ITGB4: variants seen among roughly 807,000 people sequenced by gnomAD.
ITGB4 encodes integrin subunit beta 4, also known as integrin beta-4.
In ITGB4, 159 loss-of-function variants were observed where a neutral mutation model predicts 207.6. The ratio of observed to expected loss-of-function variants is 0.77; its 90% CI spans 0.67 to 0.87. The LOEUF (loss-of-function observed/expected upper bound fraction) is 0.87, where lower values mean the gene tolerates loss of function less well. ITGB4 is among the 40% of genes least tolerant of loss of function. The probability of loss-of-function intolerance (pLI) is 0.00; values close to 1 mark genes in which losing one functional copy is unlikely to be tolerated. For missense variants in ITGB4, 2,278 were observed against 2,546.8 expected, an observed-to-expected ratio of 0.89 and a Z score of 2.27; for synonymous variants, 1,020 against 1,062.7, an observed-to-expected ratio of 0.96 and a Z score of 0.78.
At chr17:75,745,750 G>A (rs1467690176) in intron 26 of ITGB4, among the ~76,000 whole-genome samples, 6 of 152,012 alleles carry the variant, frequency 3.9e-5, no homozygotes, top group Non-Finnish European at 7.4e-5. Flanking sequence ...ATGGTGACAC[G>A]TGCCTCTAAT....
chr17:75,755,003 C>T, intron 34 of ITGB4, 188 bp downstream of exon 34: 1 of 1,567,392 alleles, frequency 6.4e-7, no homozygotes, highest in Non-Finnish European at 8.7e-7. Context: ...CACACGTACA[C>T]ACATGCATGC....
intron 1 of ITGB4, among the ~76,000 whole-genome samples, chr17:75,723,891 CT>C (rs1329495168): frequency 1.3e-5 from 2 of 152,272 alleles, no homozygotes; most frequent in Non-Finnish European, 2.9e-5. Context: ...GGCTGAGCAT[CT>C]CTTAGAGGGC....
At chr17:75,754,945 C>A in intron 34 of ITGB4, 130 bp downstream of exon 34, 1 of 1,450,136 alleles carries the variant, frequency 6.9e-7, no homozygotes, top group Non-Finnish European at 9.4e-7. Flanking sequence ...CACACATGCA[C>A]GCACACACGT....
chr17:75,755,450 A>C (rs2061475021), intron 34 of ITGB4, among the ~76,000 whole-genome samples: 1 of 152,018 alleles, frequency 6.6e-6, no homozygotes, highest in African/African-American at 2.4e-5. Flanking sequence ...CCAGCTGAGC[A>C]GTTGAGGGGG....
rs57812564 is a variant in ITGB4 at position 75,756,708 on chromosome 17, C to G, written c.4902C>G (p.Ser1634=). The G allele has an allele frequency of 1.4e-3, 2,336 of 1,613,434 alleles. 36 individuals are homozygous for G. In the African/African-American group the frequency reaches 0.028, roughly 19 times the overall value. Residue 1634 remains serine (S), a synonymous_variant, in exon 37 of 40, where the codon TCC becomes TCG. Transcript: ENST00000200181. ...CTCTTCCTCTACTGCCCCCAGGCTC[C>G]GCCTTCACTTTGAGCACTCCCAGTG... ...PQSPLCPLPG[S]AFTLSTPSAP...
rs2060839638 is a variant in ITGB4 at position 75,730,811 on chromosome 17, GA to G, written c.1003-62del. The G allele has an allele frequency of 2.1e-6, 3 of 1,422,656 alleles. No individual in the cohort carries two copies. In the East Asian group the frequency reaches 6.8e-5, roughly 32 times the overall value. The allele number at this position is 1,422,656 out of a possible 1,614,324, so 88.1% of individuals were successfully genotyped here. On this transcript the variant is annotated intron_variant, in intron 8 of 39. Coordinates refer to ENST00000200181, the MANE Select transcript of ITGB4 (RefSeq NM_000213.5). The stretch of plus-strand genomic sequence containing the variant: ...AGTTTCCCCATCCTCAAAGTGGGAA[GA>G]ATCCTAGAGCTGTTCAGATTCATGG...
chr17:75,728,450 G>A lies in ITGB4; in HGVS notation c.543G>A (p.Pro181=), dbSNP rs370508599. The A allele has an allele frequency of 4.0e-5, 64 of 1,613,988 alleles. No individual in the cohort carries two copies. The highest frequency in any genetic ancestry group is 5.3e-5 in the Non-Finnish European group (62 of 1,179,896). ...AGTTTGTGGACAAAGTCAGCGTCCC[G>A]CAGACGGACATGAGGCCTGAGAAGT... ...FGKFVDKVSV[P]QTDMRPEKLK... is the part of the protein sequence containing the mutation. Residue 181 remains proline, a synonymous_variant, in exon 6 of 40, where the codon CCG becomes CCA. Transcript: ENST00000200181.
rs776861273 is a variant in ITGB4, at chr17:75,730,497, A to G, written c.995A>G (p.Tyr332Cys). 5 of 1,613,586 alleles carry G rather than the reference A, an allele frequency of 3.1e-6. No homozygotes were observed. The highest frequency in any genetic ancestry group is 3.4e-6 in the Non-Finnish European group (4 of 1,180,016). Residue 332 changes from tyrosine (Y) to cysteine (C), a missense_variant, in exon 8 of 40, where the codon TAC (tyrosine) becomes TGC (cysteine). Physicochemically the swap from Tyr to Cys is radical, Grantham distance 194 (BLOSUM62 -2). Transcript: ENST00000200181. ...GCTGTCACCAACTACTCCTATAGCTACTACGAGGTGCGGGGCCCAGGTCCC... is the reference window on the plus strand; with the variant it reads ...GCTGTCACCAACTACTCCTATAGCTGCTACGAGGTGCGGGGCCCAGGTCCC... The part of the protein sequence containing the change: ...IFAVTNYSYS[Y>C]YEKLHTYFPV...
chr17:75,738,546 C>T (rs969014806), intron 18 of ITGB4, among the ~76,000 whole-genome samples: 6 of 152,214 alleles, frequency 3.9e-5, no homozygotes, highest in East Asian at 1.9e-4. Flanking sequence ...CTCTAGTGCC[C>T]GCCCAGGACC....
Position 75,757,711 on chromosome 17 carries a change from G to A in ITGB4, c.*156G>A. 5 of 1,024,728 alleles carry A rather than the reference G, an allele frequency of 4.9e-6. No individual in the cohort carries two copies. The highest frequency in any genetic ancestry group is 2.5e-5 in the East Asian group (1 of 39,282). The allele number at this position is 1,024,728 out of a possible 1,614,324, so 63.5% of individuals were successfully genotyped here. A position where few individuals can be genotyped will look rare whatever the true frequency, so the allele number is the denominator to read the frequency against. On this transcript the variant is annotated 3_prime_UTR_variant, in exon 40 of 40. Transcript: ENST00000200181. ...GTGTCTCCTGGGAGGCATGAAGGGGGCAAGGTCCGTCCTCTGTGGGCCCAA... is the reference window on the plus strand; with the variant it reads ...GTGTCTCCTGGGAGGCATGAAGGGGACAAGGTCCGTCCTCTGTGGGCCCAA...
intron 5 of ITGB4, 82 bp from the exon 6 acceptor site, chr17:75,728,295 T>G (rs1021132361): frequency 8.6e-7 from 1 of 1,159,972 alleles, no homozygotes; most frequent in Non-Finnish European, 1.3e-6. Context: ...TCCTCCCTTC[T>G]GAGCCAGCCC....
Position 75,731,141 on chromosome 17 carries a change from C to A in ITGB4, c.1093-105C>A. On this transcript the variant is annotated intron_variant, in intron 9 of 39. Transcript: ENST00000200181. This position sits in a 1 kb window ranked among gnomAD's most constrained non-coding sequence, Gnocchi z 6.8. ...GGGCCACCTGGGCCTGGCCCTGGCTCCTGCAGGCTCTGTGATACCCCGCAT... is the reference window on the plus strand; with the variant it reads ...GGGCCACCTGGGCCTGGCCCTGGCTACTGCAGGCTCTGTGATACCCCGCAT... 1 of 1,587,486 alleles carries A rather than the reference C, an allele frequency of 6.3e-7. No individual in the cohort carries two copies. The highest frequency in any genetic ancestry group is 2.2e-5 in the East Asian group (1 of 44,486).
rs375768413 is a variant in ITGB4, at chr17:75,731,895, C to G, written c.1299C>G (p.Asn433Lys). The change falls in exon 11 of 40, where the codon AAC (asparagine) becomes AAG (lysine). Residue 433 changes from asparagine (N) to lysine (K), a missense_variant. Transcript: ENST00000200181. This position sits in a 1 kb window ranked among gnomAD's most constrained non-coding sequence, Gnocchi z 6.8. Reference protein sequence around the residue: ...VCQLPEDQKGNIHLKPSFSDG... With the variant: ...VCQLPEDQKGKIHLKPSFSDG... ...AGCTGCCGGAGGACCAGAAGGGCAA[C>G]ATCCATCTGAAACCTTCCTTCTCCG... The G allele has an allele frequency of 2.2e-5, 35 of 1,613,966 alleles. No individual in the cohort carries two copies. Among genetic ancestry groups the G allele is most frequent in the Non-Finnish European group, 3.0e-5 (35 of 1,180,034 alleles).
rs761301748 is a variant in ITGB4, at chr17:75,748,986, C to T, written c.3257C>T (p.Pro1086Leu). 6.2e-7 allele frequency: 1 copy of T among 1,613,374 alleles called. No individual in the cohort carries two copies. The change falls in exon 27 of 40, where the codon CCT becomes CTT. Residue 1086 changes from proline to leucine, a missense_variant. Physicochemically the swap from Pro to Leu is moderately conservative, Grantham distance 98. Coordinates refer to ENST00000200181, the MANE Select transcript of ITGB4 (RefSeq NM_000213.5). ...CGTTTCCACGTCCAGCTCAGCAACCCTAAGTTTGGGGCCCACCTGGGCCAG... is the reference window on the plus strand; with the variant it reads ...CGTTTCCACGTCCAGCTCAGCAACCTTAAGTTTGGGGCCCACCTGGGCCAG... ...VRRFHVQLSN[P>L]KFGAHLGQPH...
chr17:75,743,768 G>A lies in ITGB4; in HGVS notation c.3018G>A (p.Gln1006=), dbSNP rs751315889. The change falls in exon 26 of 40, where the codon CAG becomes CAA. Residue 1006 remains glutamine, a synonymous_variant. Coordinates refer to ENST00000200181, the MANE Select transcript of ITGB4 (RefSeq NM_000213.5). ...QPEFSVSRGD[Q]VARIPVIRRV... ...AGTTCTCGGTCAGCCGCGGGGACCA[G>A]GTGGCCCGCATCCCTGTCATCCGGC... 2 of 1,613,406 alleles carry A rather than the reference G, an allele frequency of 1.2e-6. No individual in the cohort carries two copies. The highest frequency in any genetic ancestry group is 1.7e-6 in the Non-Finnish European group (2 of 1,180,006).
intron 13 of ITGB4, 39 bp from the exon 14 acceptor site, chr17:75,736,012 G>T (rs747524551): frequency 6.3e-7 from 1 of 1,597,106 alleles, no homozygotes; most frequent in South Asian, 1.1e-5. Flanking sequence ...TACAGGCACA[G>T]ATGTAGCTCT....
At chr17:75,741,880 C>T (rs532647310) in intron 23 of ITGB4, among the ~76,000 whole-genome samples, 1 of 152,208 alleles carries the variant, frequency 6.6e-6, no homozygotes, top group South Asian at 2.1e-4. Flanking sequence ...AAGGGCTTTC[C>T]GTGTGTGGTC....
Position 75,742,314 on chromosome 17 carries a change from T to G in ITGB4, c.2634-27T>G. The G allele has an allele frequency of 6.2e-7, 1 of 1,613,090 alleles. No individual in the cohort carries two copies. On this transcript the variant is annotated intron_variant, in intron 23 of 39. Coordinates refer to ENST00000200181, the MANE Select transcript of ITGB4 (RefSeq NM_000213.5). This position sits in a 1 kb window ranked among gnomAD's most constrained non-coding sequence, Gnocchi z 5.9. ...GCAGGTGCCAGCCTGACCCCTCCGC[T>G]GCCTGAACCTTCCACCCTCGACCCA...
Position 75,753,973 on chromosome 17 carries a change from A to C in ITGB4, c.4317A>C (p.Gly1439=). 1.6e-6 allele frequency: 2 copies of C among 1,251,628 alleles called. No individual in the cohort carries two copies. Among genetic ancestry groups the C allele is most frequent in the East Asian group, 3.2e-5 (1 of 30,910 alleles). The allele number at this position is 1,251,628 out of a possible 1,614,324, so 77.5% of individuals were successfully genotyped here. ...GCAGTGCGACACCCGGGCCCCCCGGAGGTGACAGGCTCACCCGCCGCCCCC... is the reference window on the plus strand; with the variant it reads ...GCAGTGCGACACCCGGGCCCCCCGGCGGTGACAGGCTCACCCGCCGCCCCC... ...LPRSATPGPP[G]EHLVNGRMDF... Residue 1439 remains glycine, a splice_region_variant and synonymous_variant, in exon 33 of 40, where the codon GGA becomes GGC. Transcript: ENST00000200181.
Sources: allele counts gnomAD v4.1 joint callset (sites outside exome capture counted in the v4.1 genomes callset), GRCh38; gene constraint gnomAD v4.1.1; non-coding constraint Gnocchi (gnomAD v3.1); transcripts MANE v1.5; gene names NCBI Gene and HGNC (gene_info 2026-07-23, HGNC 2026-07-21).